The following PPFIA4 variants were observed in gnomAD, a reference collection of about 807,000 sequenced individuals.
PPFIA4 encodes liprin-alpha-4.
In PPFIA4, 98 loss-of-function variants were observed where a neutral mutation model predicts 145.7. The observed-to-expected ratio is 0.67, with a 90% CI of 0.57 to 0.80. The LOEUF (loss-of-function observed/expected upper bound fraction) is 0.80, where lower values mean the gene tolerates loss of function less well. Ranked by LOEUF, PPFIA4 falls within the 30% of genes least tolerant of loss-of-function variation. The pLI, the probability that PPFIA4 is intolerant of heterozygous loss-of-function variation, is 0.00. For missense variants in PPFIA4, 1,457 were observed against 1,632.7 expected (o/e 0.89, Z 1.85); for synonymous variants, 628 against 649.6 (o/e 0.97, Z 0.51).
chr1:203,059,957 C>G lies in PPFIA4; in HGVS notation c.2583+106C>G, dbSNP rs570619608. The G allele has an allele frequency of 6.1e-6, 6 of 977,570 alleles. No homozygotes were observed. The South Asian group carries it at 7.0e-5, about 11-fold the overall frequency. The allele number at this position is 977,570 out of a possible 1,614,324, so 60.6% of individuals were successfully genotyped here. A position where few individuals can be genotyped will look rare whatever the true frequency, so the allele number is the denominator to read the frequency against. On this transcript the variant is annotated intron_variant, in intron 21 of 29. Transcript: ENST00000295706. ...CTTTTACAGTGTGTTTCTCCCCTGC[C>G]AAGTGGAAGTGTGCCATACCTAGCA...
intron 25 of PPFIA4, among the ~76,000 whole-genome samples, chr1:203,067,196 A>G (rs1661779977): frequency 6.6e-6 from 1 of 152,204 alleles, no homozygotes; most frequent in Non-Finnish European, 1.5e-5. Context: ...GCTGTGTTTG[A>G]GGAGCAGCAG....
chr1:203,065,979 G>A lies in PPFIA4; in HGVS notation c.3051-1716G>A, dbSNP rs76552006. 4.8e-3 allele frequency among the ~76,000 whole-genome samples: 736 copies of A among 152,332 alleles called. 6 individuals are homozygous for A. Among genetic ancestry groups the A allele is most frequent in the African/African-American group, 0.017 (703 of 41,562 alleles). ...ACCCTAATAGTGCTGCCACTACTGA[G>A]TGCCTGTAATGTTCCCAAGGGCTGG... On this transcript the variant is annotated intron_variant, in intron 25 of 29. Transcript: ENST00000295706.
intron 28 of PPFIA4, among the ~76,000 whole-genome samples, chr1:203,074,877 C>T (rs1031371451): frequency 6.6e-6 from 1 of 152,090 alleles, no homozygotes; most frequent in Non-Finnish European, 1.5e-5. Context: ...AGGGGGCTGC[C>T]TGCCATGTCC....
intron 14 of PPFIA4, among the ~76,000 whole-genome samples, chr1:203,052,480 G>A (rs927418717): frequency 4.6e-5 from 7 of 152,068 alleles, no homozygotes; most frequent in African/African-American, 1.7e-4. Context: ...AGAGCACTGG[G>A]GTATTAGAAG....
chr1:203,044,355 T>G, intron 4 of PPFIA4, 24 bp from the exon 5 acceptor site: 1 of 1,548,282 alleles, frequency 6.5e-7, no homozygotes, highest in Non-Finnish European at 8.7e-7. Context: ...CCTTTCTTCC[T>G]CCATCTCCCC....
chr1:203,073,331 A>G (rs578248846), intron 28 of PPFIA4, among the ~76,000 whole-genome samples: 7 of 152,262 alleles, frequency 4.6e-5, no homozygotes, highest in African/African-American at 1.7e-4. Context: ...AAGCTTGTGG[A>G]GCTATCTGGC....
chr1:203,027,369 G>A (rs1286864570), intron 1 of PPFIA4, among the ~76,000 whole-genome samples: 2 of 152,230 alleles, frequency 1.3e-5, no homozygotes, highest in Non-Finnish European at 2.9e-5. Flanking sequence ...GGAAGAGAGA[G>A]GTCGGGCTGG....
At chr1:203,063,662 C>G in intron 24 of PPFIA4, 166 bp from the exon 25 acceptor site, 1 of 624,112 alleles carries the variant, frequency 1.6e-6, no homozygotes, top group Non-Finnish European at 2.8e-6. Flanking sequence ...CACCTCCCAC[C>G]ACTACCAGCC....
rs1378792478 is a variant in PPFIA4 at position 203,049,705 on chromosome 1, G to T, written c.1449G>T (p.Leu483=). 2 of 1,583,782 alleles carry T rather than the reference G, an allele frequency of 1.3e-6. No homozygotes were observed. Among genetic ancestry groups the T allele is most frequent in the South Asian group, 2.3e-5 (2 of 86,382 alleles). ...GCCTGTCTGAAGAGATTGAGAAGCT[G>T]CGCCAAGAGGTGGACCAGCTGAAGG... ...KGRLSEEIEK[L]RQEVDQLKGR... is the part of the protein sequence containing the mutation. Residue 483 remains leucine, a synonymous_variant, in exon 13 of 30, where the codon CTG becomes CTT. Coordinates refer to ENST00000295706, the MANE Select transcript of PPFIA4 (RefSeq NM_001304331.2).
chr1:203,043,915 C>G lies in PPFIA4; in HGVS notation c.337-16C>G, dbSNP rs1659877792. ...TTACAGCCCTCCCTCTCACCCTCCC[C>G]TGCTCTCCCTGCCAGCTGCTTCTGG... On this transcript the variant is annotated splice_polypyrimidine_tract_variant and intron_variant, in intron 3 of 29. Coordinates refer to ENST00000295706, the MANE Select transcript of PPFIA4 (RefSeq NM_001304331.2). The surrounding 1 kb of genome is among the most constrained non-coding windows in gnomAD (Gnocchi z 4.4). 1.9e-6 allele frequency: 3 copies of G among 1,586,478 alleles called. No homozygotes were observed. Among genetic ancestry groups the G allele is most frequent in the African/African-American group, 2.7e-5 (2 of 74,542 alleles).
chr1:203,053,962 G>T lies in PPFIA4; in HGVS notation c.1829+1G>T. The T allele has an allele frequency of 6.4e-7, 1 of 1,560,330 alleles. No homozygotes were observed. Among genetic ancestry groups the T allele is most frequent in the Non-Finnish European group, 8.7e-7 (1 of 1,152,252 alleles). ...TGGATGCCATCAATGAGGAAATCAG[G>T]TTAGGGCAGGGCTGGAGGGCTTGGG... On this transcript the variant is annotated splice_donor_variant, in intron 15 of 29. Transcript: ENST00000295706. LOFTEE classifies it high-confidence loss of function.
At chr1:203,035,140 C>T (rs556659047) in intron 1 of PPFIA4, 1 of 363,946 alleles carries the variant, frequency 2.7e-6, no homozygotes, top group East Asian at 7.5e-5. Context: ...CTCCTCTCAC[C>T]TCCAGCTGGG....
chr1:203,050,287 G>A (rs541737642), intron 13 of PPFIA4, among the ~76,000 whole-genome samples: 1 of 152,326 alleles, frequency 6.6e-6, no homozygotes, highest in South Asian at 2.1e-4. Context: ...TGAAACCATT[G>A]TGAGAGATGG....
intron 27 of PPFIA4, among the ~76,000 whole-genome samples, chr1:203,070,379 A>G (rs1338298730): frequency 6.6e-6 from 1 of 152,052 alleles, no homozygotes; most frequent in Non-Finnish European, 1.5e-5. Flanking sequence ...CCAGGAGTTT[A>G]AGACCAGCCT....
Position 203,039,050 on chromosome 1 carries a change from G to T in PPFIA4, c.42G>T (p.Leu14=). Residue 14 remains leucine (L), a synonymous_variant, in exon 2 of 30, where the codon CTG becomes CTT. Transcript: ENST00000295706. Reference sequence around the variant, plus strand: ...CCACAATCAATGAGGGGGACCGCCTGGGTCCCCCTCATGGCGCCGATGCTG... The same window carrying T: ...CCACAATCAATGAGGGGGACCGCCTTGGTCCCCCTCATGGCGCCGATGCTG... ...VMPTINEGDR[L]GPPHGADADA... is the part of the protein sequence containing the mutation. The T allele has an allele frequency of 6.3e-7, 1 of 1,596,244 alleles. No homozygotes were observed. The highest frequency in any genetic ancestry group is 2.3e-5 in the East Asian group (1 of 44,118).
In PPFIA4 at chr1:203,045,797, A is replaced by G. The variant is rs765146941; in HGVS notation, c.859-44A>G. The G allele has an allele frequency of 6.2e-6, 10 of 1,612,272 alleles. 1 individual carries two copies. In the South Asian group the frequency reaches 9.9e-5, roughly 16 times the overall value. On this transcript the variant is annotated intron_variant, in intron 7 of 29. Transcript: ENST00000295706. ...GGGGAGGTGTAGACAGGATGGGGGC[A>G]AGGAAAGGCTGGTTACCGTCCTTCT...
intron 27 of PPFIA4, among the ~76,000 whole-genome samples, chr1:203,069,799 A>G: frequency 8.2e-6 from 1 of 122,496 alleles, no homozygotes; most frequent in East Asian, 2.8e-4. Context: ...AATAGATAGG[A>G]CAGATCCCTT....
At chr1:203,035,302 C>G (rs746704775) in intron 1 of PPFIA4, 1 of 456,612 alleles carries the variant, frequency 2.2e-6, no homozygotes, top group Non-Finnish European at 4.4e-6. Flanking sequence ...CAGCTCTCTC[C>G]GTGGCCAGGC....
chr1:203,029,686 G>A (rs913934671), intron 1 of PPFIA4, among the ~76,000 whole-genome samples: 11 of 152,254 alleles, frequency 7.2e-5, no homozygotes, highest in African/African-American at 2.7e-4. Flanking sequence ...TTAACCTGGA[G>A]CAGCGAAGCC....
Sources: gnomAD v4.1 joint callset for allele counts (sites outside exome capture counted in the v4.1 genomes callset) on GRCh38, gnomAD v4.1.1 for gene constraint, Gnocchi (gnomAD v3.1) non-coding constraint, MANE v1.5 for transcripts, NCBI Gene and HGNC (gene_info 2026-07-23, HGNC 2026-07-21) for gene names.